BCAR3: variants seen among roughly 807,000 people sequenced by gnomAD.
BCAR3 encodes the protein BCAR3 adaptor protein, NSP family member, also known as breast cancer anti-estrogen resistance protein 3.
Under a neutral mutation model 80.1 loss-of-function variants are expected in BCAR3, and 37 were observed. The observed-to-expected ratio is 0.46, with a 90% CI of 0.36 to 0.61. The LOEUF is 0.61. BCAR3 is among the 20% of genes least tolerant of loss of function. BCAR3 has a pLI of 0.00. For synonymous variants in BCAR3, 389 were observed against 418.9 expected (o/e 0.93, Z 0.87); for missense variants, 978 against 1,068.2 (o/e 0.92, Z 1.18).
At chr1:93,650,202 T>C (rs534167589) in intron 2 of BCAR3, among the ~76,000 whole-genome samples, 238 of 152,242 alleles carry the variant, frequency 1.6e-3, no homozygotes, top group Non-Finnish European at 2.7e-3. Context: ...CTGGCCAACA[T>C]GGTGAAACCT....
At chr1:93,629,156 T>A (rs1343041655) in intron 3 of BCAR3, among the ~76,000 whole-genome samples, 1 of 152,176 alleles carries the variant, frequency 6.6e-6, no homozygotes, top group Non-Finnish European at 1.5e-5. Flanking sequence ...CTTCTCGGAA[T>A]CTCTTTTCCC....
At chr1:93,703,159 T>C (rs1649708323) in intron 3 of BCAR3, among the ~76,000 whole-genome samples, 1 of 152,220 alleles carries the variant, frequency 6.6e-6, no homozygotes, top group African/African-American at 2.4e-5. Flanking sequence ...GCTTATCATA[T>C]ATACTACCTG....
intron 2 of BCAR3, among the ~76,000 whole-genome samples, chr1:93,814,250 T>C (rs1053501499): frequency 1.3e-5 from 2 of 152,228 alleles, no homozygotes; most frequent in Admixed American, 6.5e-5. Flanking sequence ...ATTCTCAACA[T>C]TGCAGCTGCT....
At chr1:93,826,855 C>A (rs946172688) in intron 2 of BCAR3, among the ~76,000 whole-genome samples, 1 of 151,906 alleles carries the variant, frequency 6.6e-6, no homozygotes, top group African/African-American at 2.4e-5. Flanking sequence ...CCTATGTGTA[C>A]CTGGGAGGGC....
At chr1:93,814,296 G>T (rs1379811266) in intron 2 of BCAR3, among the ~76,000 whole-genome samples, 1 of 152,210 alleles carries the variant, frequency 6.6e-6, no homozygotes, top group Admixed American at 6.5e-5. Context: ...AGGACCAGAT[G>T]CCCTGAGTAC....
rs2101800860 is a variant in BCAR3, at chr1:93,567,819, CA to C, written c.2006del (p.Leu669ArgfsTer16). On this transcript the variant is annotated frameshift_variant, in exon 10 of 12. Transcript: ENST00000260502. LOFTEE classifies it high-confidence loss of function. ...ITRLEKTWTA[L>X]RHQYTQTAIL... ...TGGCAGTTTGGGTGTACTGGTGCCG[CA>C]GAGCAGTCCACGTCTTTTCTAACCT... 6.2e-7 allele frequency: 1 copy of C among 1,614,174 alleles called. No homozygotes were observed. The highest frequency in any genetic ancestry group is 1.3e-5 in the African/African-American group (1 of 75,044).
intron 5 of BCAR3, among the ~76,000 whole-genome samples, chr1:93,584,792 C>A (rs574468112): frequency 6.6e-6 from 1 of 152,348 alleles, no homozygotes; most frequent in South Asian, 2.1e-4. Flanking sequence ...TCAACACACT[C>A]GCTGTTATTC....
In BCAR3 at chr1:93,789,960, T is replaced by C. The variant is rs558460714; in HGVS notation, c.-63+55607A>G. ...TGTCCTTTTGTAAGCCTTGGGACTTTAGGGCTAAACAAAAGTTAATGGGAA... is the reference window on the plus strand; with the variant it reads ...TGTCCTTTTGTAAGCCTTGGGACTTCAGGGCTAAACAAAAGTTAATGGGAA... On this transcript the variant is annotated intron_variant, in intron 2 of 13. Coordinates refer to the BCAR3 transcript ENST00000370244. Among the ~76,000 whole-genome samples, 324 of 152,300 alleles carry C rather than the reference T, an allele frequency of 2.1e-3. 2 individuals carry two copies. The highest frequency in any genetic ancestry group is 7.4e-3 in the African/African-American group (306 of 41,568).
chr1:93,577,504 C>T lies in BCAR3; in HGVS notation c.1687-1375G>A, dbSNP rs1389109545. Among the ~76,000 whole-genome samples the T allele has an allele frequency of 2.0e-5, 3 of 152,150 alleles. No homozygotes were observed. The East Asian group carries it at 5.8e-4, about 29-fold the overall frequency. Reference sequence around the variant, plus strand: ...ACCTGTGCTCTCTGGGCCTCAGTTTCCCCTTTTCTAACATAACTGCTAAGT... The same window carrying T: ...ACCTGTGCTCTCTGGGCCTCAGTTTTCCCTTTTCTAACATAACTGCTAAGT... On this transcript the variant is annotated intron_variant, in intron 7 of 11. Coordinates refer to ENST00000260502, the MANE Select transcript of BCAR3 (RefSeq NM_003567.4).
intron 2 of BCAR3, among the ~76,000 whole-genome samples, chr1:93,757,744 T>C (rs1383916752): frequency 6.6e-6 from 1 of 152,198 alleles, no homozygotes; most frequent in Non-Finnish European, 1.5e-5. Flanking sequence ...ACAGCTTCCT[T>C]GCTGGTGTGA....
At chr1:93,578,117 A>T (rs530674433) in intron 7 of BCAR3, among the ~76,000 whole-genome samples, 1 of 152,300 alleles carries the variant, frequency 6.6e-6, no homozygotes, top group South Asian at 2.1e-4. Flanking sequence ...TCTGCCCTCC[A>T]AATCTTAGCT....
At chr1:93,615,365 C>G (rs1280860228) in intron 3 of BCAR3, among the ~76,000 whole-genome samples, 1 of 152,202 alleles carries the variant, frequency 6.6e-6, no homozygotes, top group African/African-American at 2.4e-5. Flanking sequence ...CACACCCACG[C>G]AAGGGCAAGG....
rs777183149 is a variant in BCAR3, at chr1:93,674,773, C to T, written c.158G>A (p.Arg53Gln). The T allele has an allele frequency of 1.6e-5, 25 of 1,612,202 alleles. No homozygotes were observed. Among genetic ancestry groups the T allele is most frequent in the South Asian group, 4.4e-5 (4 of 90,696 alleles). The change falls in exon 2 of 12, where the codon CGG becomes CAG. Residue 53 changes from arginine (R) to glutamine (Q), a missense_variant. Coordinates refer to ENST00000260502, the MANE Select transcript of BCAR3 (RefSeq NM_003567.4). ...QDVSIHGTLP[R>Q]KKKGPPPIRS... ...TATGGGAGGAGGACCTTTTTTCTTCCGTGGAAGGGTGCCATGTATAGACAC... is the reference window on the plus strand; with the variant it reads ...TATGGGAGGAGGACCTTTTTTCTTCTGTGGAAGGGTGCCATGTATAGACAC...
intron 2 of BCAR3, among the ~76,000 whole-genome samples, chr1:93,763,225 G>A (rs1557680170): frequency 6.6e-6 from 1 of 152,060 alleles, no homozygotes; most frequent in Non-Finnish European, 1.5e-5. Flanking sequence ...CACCACACAT[G>A]GCTAATTTTT....
intron 2 of BCAR3, among the ~76,000 whole-genome samples, chr1:93,830,000 T>A (rs1654501165): frequency 6.6e-6 from 1 of 152,172 alleles, no homozygotes; most frequent in African/African-American, 2.4e-5. Flanking sequence ...TCCTCCCCAC[T>A]CACTCTCTCT....
intron 3 of BCAR3, among the ~76,000 whole-genome samples, chr1:93,631,127 C>T (rs759950343): frequency 6.6e-6 from 1 of 152,210 alleles, no homozygotes; most frequent in Non-Finnish European, 1.5e-5. Flanking sequence ...CTTGCCTCTT[C>T]CTCACCTCTG....
chr1:93,743,817 T>C (rs1004420260), intron 2 of BCAR3, among the ~76,000 whole-genome samples: 2 of 152,240 alleles, frequency 1.3e-5, no homozygotes, highest in African/African-American at 4.8e-5. Flanking sequence ...GATCATAGAT[T>C]GGTCTGTGTG....
At chr1:93,658,839 C>T (rs960292287) in intron 2 of BCAR3, among the ~76,000 whole-genome samples, 3 of 152,164 alleles carry the variant, frequency 2.0e-5, no homozygotes, top group Non-Finnish European at 4.4e-5. Context: ...TGTAACACAA[C>T]AAGATTTAAG....
chr1:93,827,708 AG>A (rs1654418478), intron 2 of BCAR3, among the ~76,000 whole-genome samples: 1 of 151,630 alleles, frequency 6.6e-6, no homozygotes, highest in South Asian at 2.1e-4. Context: ...AGAGGGAGGG[AG>A]GGAAAGAGAG....
Sources: allele counts gnomAD v4.1 joint callset (sites outside exome capture counted in the v4.1 genomes callset), GRCh38; gene constraint gnomAD v4.1.1; transcripts MANE v1.5; gene names NCBI Gene and HGNC (gene_info 2026-07-23, HGNC 2026-07-21).